C11orf24: variants seen among roughly 807,000 people sequenced by gnomAD.
C11orf24 encodes uncharacterized protein C11orf24.
A neutral mutation model predicts 7.3 loss-of-function variants in C11orf24; 5 were observed. That is an observed-to-expected ratio of 0.69 (90% CI 0.36 to 1.45). The LOEUF (loss-of-function observed/expected upper bound fraction) is 1.45, where lower values mean the gene tolerates loss of function less well. C11orf24 is among the 40% of genes most tolerant of loss of function. The pLI, the probability that C11orf24 is intolerant of heterozygous loss-of-function variation, is 0.03. For missense variants in C11orf24, 566 were observed against 590.5 expected, an observed-to-expected ratio of 0.96 and a Z score of 0.43; for synonymous variants, 233 against 235.7, an observed-to-expected ratio of 0.99 and a Z score of 0.11.
In C11orf24 at chr11:68,261,843, G is replaced by A. The variant is rs1341113452; in HGVS notation, c.1152C>T (p.Tyr384=). ...DSCQPSTQGQ[Y]MVVTTEPLTQ... Reference sequence around the variant, plus strand: ...TGAGGGGCTCAGTGGTGACCACCATGTACTGGCCTTGGGTGCTGGGCTGGC... The same window carrying A: ...TGAGGGGCTCAGTGGTGACCACCATATACTGGCCTTGGGTGCTGGGCTGGC... Residue 384 remains tyrosine (Y), a synonymous_variant, in exon 4 of 4, where the codon TAC becomes TAT. Transcript: ENST00000304271. 3 of 1,614,184 alleles carry A rather than the reference G, an allele frequency of 1.9e-6. No homozygotes were observed. Among genetic ancestry groups the A allele is most frequent in the Admixed American group, 1.7e-5 (1 of 60,030 alleles).
rs547311868 is a variant in C11orf24, at chr11:68,268,254, A to G, written c.-297-3T>C. The G allele has an allele frequency of 6.6e-6, 1 of 152,404 alleles. No homozygotes were observed. Among genetic ancestry groups the G allele is most frequent in the South Asian group, 2.1e-4 (1 of 4,834 alleles). 9.4% of individuals were successfully genotyped at this position (152,404 alleles called of 1,614,324 possible). ...CTCCACTCTAGTAACAGACGCATCTAGAGTTTGAAAAAAAGTCCACATTCC... is the reference window on the plus strand; with the variant it reads ...CTCCACTCTAGTAACAGACGCATCTGGAGTTTGAAAAAAAGTCCACATTCC... On this transcript the variant is annotated splice_region_variant and splice_polypyrimidine_tract_variant and intron_variant, in intron 1 of 3. Transcript: ENST00000304271.
At position 68,262,955 on chromosome 11, in the gene C11orf24, A is replaced by G. The variant is rs768058764; in HGVS notation, c.77-37T>C. 6 of 1,590,798 alleles carry G rather than the reference A, an allele frequency of 3.8e-6. No individual in the cohort carries two copies. The Admixed American group carries it at 5.0e-5, about 13-fold the overall frequency. On this transcript the variant is annotated intron_variant, in intron 3 of 3. Transcript: ENST00000304271. The stretch of plus-strand genomic sequence containing the variant: ...AAAAAGGAGAAAAAGAGAGACAATC[A>G]TGTTCAATCCTGCACAGGGGGATTG...
chr11:68,269,384 T>C (rs143501849), intron 1 of C11orf24, among the ~76,000 whole-genome samples: 21 of 152,316 alleles, frequency 1.4e-4, no homozygotes, highest in Non-Finnish European at 2.4e-4. Context: ...CCGGCACAAA[T>C]GCTTCTCTCA....
At position 68,262,445 on chromosome 11, in the gene C11orf24, C is replaced by T. The variant is rs745433393; in HGVS notation, c.550G>A (p.Gly184Arg). Residue 184 changes from glycine to arginine, a missense_variant, in exon 4 of 4, where the codon GGG becomes AGG. By Grantham distance (125) the Gly-to-Arg change is moderately radical (BLOSUM62 -2). Coordinates refer to ENST00000304271, the MANE Select transcript of C11orf24 (RefSeq NM_022338.4). ...AGGGCTGTGCTGAGAGATGGATGCC[C>T]AGTGGCGGTAGTGGACGGGGTCCGC... is the stretch of plus-strand genomic sequence containing the variant. ...TGRTPSTTAT[G>R]HPSLSTALAQ... 3 of 1,614,152 alleles carry T rather than the reference C, an allele frequency of 1.9e-6. No individual in the cohort carries two copies.
Position 68,268,223 on chromosome 11 carries a change from T to C in C11orf24, c.-269A>G, listed in dbSNP as rs1294219846. 6.6e-6 allele frequency: 1 copy of C among 152,198 alleles called. No individual in the cohort carries two copies. Among genetic ancestry groups the C allele is most frequent in the Non-Finnish European group, 1.5e-5 (1 of 68,050 alleles). The allele number at this position is 152,198 out of a possible 1,614,324, so 9.4% of individuals were successfully genotyped here. ...CTTTGTGGCACATGTGAGACGAAGGTAGACTCTCCACTCTAGTAACAGACG... is the reference window on the plus strand; with the variant it reads ...CTTTGTGGCACATGTGAGACGAAGGCAGACTCTCCACTCTAGTAACAGACG... On this transcript the variant is annotated 5_prime_UTR_variant, in exon 2 of 4. Transcript: ENST00000304271.
intron 1 of C11orf24, among the ~76,000 whole-genome samples, chr11:68,268,974 G>A (rs181620088): frequency 1.3e-5 from 2 of 152,164 alleles, no homozygotes; most frequent in Non-Finnish European, 2.9e-5. Flanking sequence ...ACACAGCAAC[G>A]TGTGGACCAT....
intron 2 of C11orf24, 58 bp downstream of exon 2, chr11:68,267,996 G>T (rs1565292455): frequency 6.6e-6 from 1 of 152,498 alleles, no homozygotes; most frequent in Non-Finnish European, 1.5e-5. Flanking sequence ...AGCTCCCTCT[G>T]GGCTCACCGT....
In C11orf24 at chr11:68,262,406, T is replaced by G; in HGVS notation, c.589A>C (p.Lys197Gln). 1 of 1,614,180 alleles carries G rather than the reference T, an allele frequency of 6.2e-7. No individual in the cohort carries two copies. Among genetic ancestry groups the G allele is most frequent in the Non-Finnish European group, 8.5e-7 (1 of 1,180,028 alleles). ...SLSTALAQVP[K>Q]SSALPRTATL... ...GCTGTTCTTGGCAACGCGCTGCTCT[T>G]TGGCACTTGTGCGAGGGCTGTGCTG... The change falls in exon 4 of 4, where the codon AAG becomes CAG. Residue 197 changes from lysine to glutamine, a missense_variant. Coordinates refer to ENST00000304271, the MANE Select transcript of C11orf24 (RefSeq NM_022338.4).
chr11:68,263,871 G>T lies in C11orf24; in HGVS notation c.-99-5C>A. ...CCTCCTGCTTGGCCAAGGGATCTGTGGTCAAGAAAGCACGCTGGTCAGAAG... is the reference window on the plus strand; with the variant it reads ...CCTCCTGCTTGGCCAAGGGATCTGTTGTCAAGAAAGCACGCTGGTCAGAAG... On this transcript the variant is annotated splice_polypyrimidine_tract_variant and splice_region_variant and intron_variant, in intron 2 of 3. Transcript: ENST00000304271. 1.1e-6 allele frequency: 1 copy of T among 942,960 alleles called. No individual in the cohort carries two copies. Among genetic ancestry groups the T allele is most frequent in the Non-Finnish European group, 1.6e-6 (1 of 618,752 alleles). 58.4% of individuals were successfully genotyped at this position (942,960 alleles called of 1,614,324 possible). A position where few individuals can be genotyped will look rare whatever the true frequency, so the allele number is the denominator to read the frequency against.
chr11:68,262,357 C>CGTGTGGCCA lies in C11orf24; in HGVS notation c.629_637dup (p.Leu210_Thr212dup). ...TGCTGTGGTCGCTACAGTCTGAGCA[C>CGTGTGGCCA]GTGTGGCCAATGTGGCCAGGGTTGC... On this transcript the variant is annotated inframe_insertion, in exon 4 of 4. Transcript: ENST00000304271. The CGTGTGGCCA allele has an allele frequency of 6.2e-7, 1 of 1,614,122 alleles. No individual in the cohort carries two copies. The highest frequency in any genetic ancestry group is 8.5e-7 in the Non-Finnish European group (1 of 1,180,018).
chr11:68,262,999 C>T (rs1231869717), intron 3 of C11orf24, 81 bp from the exon 4 acceptor site: 1 of 1,412,870 alleles, frequency 7.1e-7, no homozygotes, highest in Non-Finnish European at 9.7e-7. Context: ...TCGGCTTCCA[C>T]CCAGGCCTGT....
Position 68,262,015 on chromosome 11 carries a change from C to CTTGG in C11orf24, c.976_979dup (p.Ser327ThrfsTer25). The CTTGG allele has an allele frequency of 6.2e-7, 1 of 1,613,964 alleles. No homozygotes were observed. The highest frequency in any genetic ancestry group is 8.5e-7 in the Non-Finnish European group (1 of 1,180,010). ...GGCCCTCTGGGTATATGGCATGGGG[C>CTTGG]TTGGCTGTGTCGTGGGGGACATGGC... is the stretch of plus-strand genomic sequence containing the variant. On this transcript the variant is annotated frameshift_variant, in exon 4 of 4. Coordinates refer to ENST00000304271, the MANE Select transcript of C11orf24 (RefSeq NM_022338.4). LOFTEE classifies it low-confidence loss of function (END_TRUNC).
intron 3 of C11orf24, chr11:68,263,399 A>T: frequency 2.0e-6 from 1 of 490,974 alleles, no homozygotes; most frequent in East Asian, 3.4e-5. Context: ...TAAAGATCTG[A>T]TGTATGAAGG....
Position 68,261,614 on chromosome 11 carries a change from G to GGCCAGGCCTCCC in C11orf24, c.*19_*30dup. 1 of 1,573,194 alleles carries GGCCAGGCCTCCC rather than the reference G, an allele frequency of 6.4e-7. No individual in the cohort carries two copies. Among genetic ancestry groups the GGCCAGGCCTCCC allele is most frequent in the East Asian group, 2.3e-5 (1 of 44,250 alleles). On this transcript the variant is annotated 3_prime_UTR_variant, in exon 4 of 4. Coordinates refer to ENST00000304271, the MANE Select transcript of C11orf24 (RefSeq NM_022338.4). ...AGGCAAAAGGAAAGGACGAGGAAGG[G>GGCCAGGCCTCCC]GCCAGGCCTCCCGCCAGGCCCCCGC...
At chr11:68,264,503 C>T (rs202205161) in intron 2 of C11orf24, among the ~76,000 whole-genome samples, 49 of 90,782 alleles carry the variant, frequency 5.4e-4, no homozygotes, top group Admixed American at 8.0e-4. Flanking sequence ...TCCATCCACC[C>T]ACTCATCCAT....
chr11:68,263,852 G>T lies in C11orf24; in HGVS notation c.-85C>A. On this transcript the variant is annotated 5_prime_UTR_variant, in exon 3 of 4. Transcript: ENST00000304271. ...CTCAGGCTGCTAATGGTTCCCTCCT[G>T]CTTGGCCAAGGGATCTGTGGTCAAG... 1 of 1,170,492 alleles carries T rather than the reference G, an allele frequency of 8.5e-7. No homozygotes were observed. The highest frequency in any genetic ancestry group is 1.2e-6 in the Non-Finnish European group (1 of 806,940). 72.5% of individuals were successfully genotyped at this position (1,170,492 alleles called of 1,614,324 possible).
Position 68,262,813 on chromosome 11 carries a change from G to A in C11orf24, c.182C>T (p.Ser61Phe). 2 of 1,614,146 alleles carry A rather than the reference G, an allele frequency of 1.2e-6. No individual in the cohort carries two copies. The highest frequency in any genetic ancestry group is 1.1e-5 in the South Asian group (1 of 91,088). ...AGTCCCTTTGGTCAATGTGACAGGA[G>A]AAGCTGCTGCCATGGTTACATCCTC... ...TSEDVTMAAASPVTLTKGTSA... is the reference protein window; with the variant it reads ...TSEDVTMAAAFPVTLTKGTSA... Residue 61 changes from serine to phenylalanine, a missense_variant, in exon 4 of 4, where the codon TCT (serine) becomes TTT (phenylalanine). Ser to Phe is a radical substitution (Grantham distance 155). Transcript: ENST00000304271.
chr11:68,265,909 A>G (rs984460836), intron 2 of C11orf24, among the ~76,000 whole-genome samples: 2 of 152,272 alleles, frequency 1.3e-5, no homozygotes, highest in African/African-American at 4.8e-5. Context: ...CCAGCTGCAT[A>G]GCTGTAGGCA....
rs138413930 is a variant in C11orf24 at position 68,266,193 on chromosome 11, G to A, written c.-100+1861C>T. Among the ~76,000 whole-genome samples, 570 of 152,312 alleles carry A rather than the reference G, an allele frequency of 3.7e-3. 1 individual carries two copies. Among genetic ancestry groups the A allele is most frequent in the Non-Finnish European group, 6.7e-3 (457 of 68,042 alleles). ...TGCAGCCACAGGACCTCTGAGCCCC[G>A]CTGAGCTGCATGGGAGTGACATGGG... On this transcript the variant is annotated intron_variant, in intron 2 of 3. Coordinates refer to ENST00000304271, the MANE Select transcript of C11orf24 (RefSeq NM_022338.4).
Sources: allele counts gnomAD v4.1 joint callset (sites outside exome capture counted in the v4.1 genomes callset), GRCh38; gene constraint gnomAD v4.1.1; transcripts MANE v1.5; gene names NCBI Gene and HGNC (gene_info 2026-07-23, HGNC 2026-07-21).